MAGED1: variants seen among roughly 807,000 people sequenced by gnomAD.
The protein encoded by MAGED1 is MAGE family member D1.
MAGED1 carries 3 observed loss-of-function variants against 54.1 expected under a neutral mutation model. The ratio of observed to expected loss-of-function variants is 0.06; its 90% CI spans 0.03 to 0.14. The LOEUF is 0.14. Ranked by LOEUF, MAGED1 falls within the 10% of genes least tolerant of loss-of-function variation. The pLI, the probability that MAGED1 is intolerant of heterozygous loss-of-function variation, is 1.00. For synonymous variants in MAGED1, 217 were observed against 227.3 expected (o/e 0.95, Z 0.41); for missense variants, 485 against 623.4 (o/e 0.78, Z 2.36).
chrX:51,813,784 A>G (rs1557355777), intron 1 of MAGED1, among the ~76,000 whole-genome samples: 1 of 111,280 alleles, frequency 9.0e-6, no homozygotes, highest in Non-Finnish European at 1.9e-5. Flanking sequence ...TGGCTCACTA[A>G]TTGGTTCTGA....
chrX:51,870,772 G>A (rs1241035755), intron 1 of MAGED1: 8 of 112,201 alleles, frequency 7.1e-5, no homozygotes, highest in Non-Finnish European at 1.5e-4. Flanking sequence ...ATCTCTGCAC[G>A]GTTCCAATTT....
chrX:51,828,456 T>G (rs1557357116), intron 1 of MAGED1, among the ~76,000 whole-genome samples: 1 of 111,354 alleles, frequency 9.0e-6, no homozygotes, highest in Non-Finnish European at 1.9e-5. Context: ...GTTTCTGACA[T>G]GTTGTTTTTT....
chrX:51,894,169 C>A (rs1488564261), intron 1 of MAGED1, 100 bp from the exon 2 acceptor site: 4 of 490,725 alleles, frequency 8.2e-6, no homozygotes, highest in Middle Eastern at 3.5e-4. Flanking sequence ...TCCTCACATT[C>A]ACCTTATCCG....
intron 1 of MAGED1, among the ~76,000 whole-genome samples, chrX:51,813,006 T>A (rs1260595123): frequency 1.9e-5 from 2 of 105,310 alleles, no homozygotes; most frequent in African/African-American, 3.4e-5. Flanking sequence ...AAATATAATA[T>A]TTAACCGCTG....
At chrX:51,809,441 C>T (rs974040237) in intron 1 of MAGED1, among the ~76,000 whole-genome samples, 1 of 111,655 alleles carries the variant, frequency 9.0e-6, no homozygotes, top group Middle Eastern at 4.7e-3. Context: ...TTTGAAAGAT[C>T]GTTGATTAAT....
chrX:51,887,757 T>C (rs1381230561), intron 1 of MAGED1, among the ~76,000 whole-genome samples: 1 of 109,438 alleles, frequency 9.1e-6, no homozygotes, highest in African/African-American at 3.3e-5. Flanking sequence ...CCATAAAACT[T>C]TTAGAAGATA....
chrX:51,898,345 C>T lies in MAGED1; in HGVS notation c.1781+18C>T. On this transcript the variant is annotated intron_variant, in intron 9 of 12. Coordinates refer to ENST00000326587, the MANE Select transcript of MAGED1 (RefSeq NM_006986.4). ...CGTCCTGGGTATGATTGGGCTCTCTCATCTCTTGCCTGTTTGTGCCATCCT... is the reference window on the plus strand; with the variant it reads ...CGTCCTGGGTATGATTGGGCTCTCTTATCTCTTGCCTGTTTGTGCCATCCT... 3 of 1,208,948 alleles carry T rather than the reference C, an allele frequency of 2.5e-6. No homozygotes were observed. The highest frequency in any genetic ancestry group is 3.4e-6 in the Non-Finnish European group (3 of 893,134).
intron 1 of MAGED1, among the ~76,000 whole-genome samples, chrX:51,877,494 G>A (rs1354882731): frequency 9.0e-6 from 1 of 110,866 alleles, no homozygotes; most frequent in Non-Finnish European, 1.9e-5. Context: ...GTTCATACCC[G>A]TTTGAACTAG....
chrX:51,827,461 G>C (rs1343468482), intron 1 of MAGED1, among the ~76,000 whole-genome samples: 3 of 111,626 alleles, frequency 2.7e-5, no homozygotes, highest in African/African-American at 9.8e-5. Flanking sequence ...TATAATAGTG[G>C]ATACATGTGT....
chrX:51,888,907 TTGAAA>T (rs1928334677), upstream of MAGED1, among the ~76,000 whole-genome samples: 1 of 112,313 alleles, frequency 8.9e-6, no homozygotes, highest in African/African-American at 3.2e-5. Flanking sequence ...TCATGACCTC[TTGAAA>T]TGATAAAATT....
chrX:51,896,367 C>A (rs1396016164), intron 3 of MAGED1, 42 bp from the exon 4 acceptor site: 1 of 1,123,910 alleles, frequency 8.9e-7, no homozygotes, highest in Non-Finnish European at 1.2e-6. Context: ...GGTGAGGACA[C>A]AGAACCCACT....
chrX:51,901,447 G>T (rs1396616735), intron 11 of MAGED1, 106 bp from the exon 12 acceptor site: 1 of 704,548 alleles, frequency 1.4e-6, no homozygotes, highest in African/African-American at 2.2e-5. Flanking sequence ...GTGTGTGTGT[G>T]TATCACATTG....
intron 1 of MAGED1, among the ~76,000 whole-genome samples, chrX:51,842,660 T>C (rs1368198099): frequency 9.0e-6 from 1 of 110,931 alleles, no homozygotes; most frequent in Non-Finnish European, 1.9e-5. Context: ...GTTCTTTTAA[T>C]GTGCCAACAA....
chrX:51,874,006 A>C (rs1184305720), intron 1 of MAGED1, among the ~76,000 whole-genome samples: 1 of 111,550 alleles, frequency 9.0e-6, no homozygotes, highest in Non-Finnish European at 1.9e-5. Flanking sequence ...GTAAGAAAAA[A>C]CAGTTTCTTA....
chrX:51,864,162 T>G (rs1224222154), intron 1 of MAGED1, among the ~76,000 whole-genome samples: 1 of 102,376 alleles, frequency 9.8e-6, no homozygotes, highest in African/African-American at 3.6e-5. Context: ...CAATTTGAGT[T>G]GAGGGGTGTG....
upstream of MAGED1, among the ~76,000 whole-genome samples, chrX:51,891,119 GAT>G (rs1343264592): frequency 8.9e-6 from 1 of 111,862 alleles, no homozygotes; most frequent in African/African-American, 3.2e-5. Flanking sequence ...TGTCAAATAA[GAT>G]AATTCAGACA....
At position 51,831,582 on chromosome X, in the gene MAGED1, C is replaced by T. The variant is rs782085125; in HGVS notation, c.-37+28465C>T. On this transcript the variant is annotated intron_variant, in intron 1 of 12. Coordinates refer to the MAGED1 transcript ENST00000375772. ...GAGCTGTGATCTCACCACTGGACTCCAGCCTGGGCGACAGAGTCAGTTGCT... is the reference window on the plus strand; with the variant it reads ...GAGCTGTGATCTCACCACTGGACTCTAGCCTGGGCGACAGAGTCAGTTGCT... Among the ~76,000 whole-genome samples, 7 of 111,846 alleles carry T rather than the reference C, an allele frequency of 6.3e-5. 1 individual carries two copies. In the South Asian group the frequency reaches 2.7e-3, roughly 43 times the overall value.
At chrX:51,871,606 C>A in intron 1 of MAGED1, among the ~76,000 whole-genome samples, 1 of 111,624 alleles carries the variant, frequency 9.0e-6, no homozygotes, top group Non-Finnish European at 1.9e-5. Context: ...ATGAACTCAT[C>A]ATTTTTTATG....
intron 1 of MAGED1, among the ~76,000 whole-genome samples, chrX:51,807,129 A>C (rs113098899): frequency 7.9e-4 from 88 of 111,712 alleles, no homozygotes; most frequent in African/African-American, 2.7e-3. Flanking sequence ...TATAGCCAAC[A>C]CTTGCCTTTG....
Sources: gnomAD v4.1 joint callset for allele counts (sites outside exome capture counted in the v4.1 genomes callset) on GRCh38, gnomAD v4.1.1 for gene constraint, MANE v1.5 for transcripts, NCBI Gene and HGNC (gene_info 2026-07-23, HGNC 2026-07-21) for gene names.